The following PIK3C2B variants were observed in gnomAD, a reference collection of about 807,000 sequenced individuals.
The protein encoded by PIK3C2B is phosphatidylinositol 4-phosphate 3-kinase C2 domain-containing subunit beta.
A neutral mutation model predicts 184.3 loss-of-function variants in PIK3C2B; 83 were observed. The observed-to-expected ratio is 0.45, with a 90% CI of 0.38 to 0.54. PIK3C2B has a LOEUF of 0.54. PIK3C2B is among the 20% of genes least tolerant of loss of function. PIK3C2B has a pLI of 0.00. For missense variants in PIK3C2B, 1,736 were observed against 2,113.5 expected (o/e 0.82, Z 3.50); for synonymous variants, 779 against 837.6 (o/e 0.93, Z 1.21).
intron 12 of PIK3C2B, among the ~76,000 whole-genome samples, chr1:204,453,633 A>C (rs1261536246): frequency 3.3e-5 from 5 of 152,174 alleles, no homozygotes; most frequent in Admixed American, 6.5e-5. Flanking sequence ...TCTATATATA[A>C]AGGGAAAAGC....
chr1:204,472,638 G>A (rs1656387278), intron 1 of PIK3C2B, among the ~76,000 whole-genome samples: 2 of 152,082 alleles, frequency 1.3e-5, no homozygotes, highest in South Asian at 2.1e-4. Context: ...AAATTAGCCA[G>A]GCGTGGTGGC....
At chr1:204,480,895 T>TCCC (rs1657082046) in intron 1 of PIK3C2B, among the ~76,000 whole-genome samples, 1 of 152,060 alleles carries the variant, frequency 6.6e-6, no homozygotes, top group African/African-American at 2.4e-5. Context: ...CATCGTGGTG[T>TCCC]TCCTCAACCA....
rs1240561481 is a variant in PIK3C2B at position 204,457,826 on chromosome 1, T to C, written c.1615A>G (p.Ile539Val). 2 of 1,613,396 alleles carry C rather than the reference T, an allele frequency of 1.2e-6. No individual in the cohort carries two copies. The highest frequency in any genetic ancestry group is 1.7e-5 in the Admixed American group (1 of 59,914). Residue 539 changes from isoleucine to valine, a missense_variant, in exon 9 of 33, where the codon ATC (isoleucine) becomes GTC (valine). This residue lies in a region of PIK3C2B where 609 missense variants were observed against 699.2 expected (regional missense o/e 0.87). Coordinates refer to ENST00000684373, the MANE Select transcript of PIK3C2B (RefSeq NM_001377334.1). ...TCCACGGCGGCCAGGGCGTTGCAGATGGCCTTGACGGACTGGACCACCCTG... is the reference window on the plus strand; with the variant it reads ...TCCACGGCGGCCAGGGCGTTGCAGACGGCCTTGACGGACTGGACCACCCTG... ...ADRVVQSVKA[I>V]CNALAAVETP...
At chr1:204,455,546 C>G (rs999263337) in intron 11 of PIK3C2B, among the ~76,000 whole-genome samples, 3 of 152,098 alleles carry the variant, frequency 2.0e-5, no homozygotes, top group Non-Finnish European at 4.4e-5. Flanking sequence ...GGGAATCGGC[C>G]ATCTGTTGCC....
In PIK3C2B at chr1:204,469,189, T is replaced by A; in HGVS notation, c.614A>T (p.His205Leu). The A allele has an allele frequency of 6.2e-7, 1 of 1,613,580 alleles. No individual in the cohort carries two copies. The highest frequency in any genetic ancestry group is 8.5e-7 in the Non-Finnish European group (1 of 1,179,686). The change falls in exon 2 of 33, where the codon CAT (histidine) becomes CTT (leucine). Residue 205 changes from histidine to leucine, a missense_variant. Transcript: ENST00000684373. Reference protein sequence around the residue: ...VEQLPGKLLEHRILEEEEVLG... With the variant: ...VEQLPGKLLELRILEEEEVLG... ...CACCTCTTCCTCTTCTAGGATCCGA[T>A]GCTCTAGCAGTTTGCCCGGCAATTG...
At position 204,477,906 on chromosome 1, in the gene PIK3C2B, T is replaced by C. The variant is rs145009388; in HGVS notation, c.-84-8020A>G. 5.1e-3 allele frequency among the ~76,000 whole-genome samples: 782 copies of C among 152,292 alleles called. 6 individuals carry two copies. The highest frequency in any genetic ancestry group is 0.018 in the African/African-American group (742 of 41,554). ...CAATCTAGCAAAGGTGGCAGACACA[T>C]ACATAAAGAATTCAATCCCCTCTTG... On this transcript the variant is annotated intron_variant, in intron 1 of 32. Coordinates refer to ENST00000684373, the MANE Select transcript of PIK3C2B (RefSeq NM_001377334.1).
At chr1:204,492,286 A>C (rs923572792) in intron 1 of PIK3C2B, among the ~76,000 whole-genome samples, 10 of 152,232 alleles carry the variant, frequency 6.6e-5, no homozygotes, top group African/African-American at 2.4e-4. Context: ...TTTTACAAAT[A>C]TACAAACTAA....
intron 31 of PIK3C2B, 56 bp downstream of exon 31, chr1:204,427,592 A>G: frequency 2.5e-6 from 3 of 1,212,864 alleles, no homozygotes; most frequent in East Asian, 4.6e-5. Context: ...CTGCCCAAAA[A>G]AGTAGCTAAA....
intron 12 of PIK3C2B, among the ~76,000 whole-genome samples, chr1:204,453,960 A>G (rs1279399547): frequency 1.3e-5 from 2 of 151,658 alleles, no homozygotes; most frequent in African/African-American, 2.4e-5. Context: ...TTTTTAGTAG[A>G]GACGAGGTTT....
intron 1 of PIK3C2B, among the ~76,000 whole-genome samples, chr1:204,482,109 C>CGG (rs55875447): frequency 7.5e-6 from 1 of 132,588 alleles, no homozygotes; most frequent in African/African-American, 3.7e-5. Flanking sequence ...CATGAAAAGA[C>CGG]GGGGGGGGGG....
At position 204,456,938 on chromosome 1, in the gene PIK3C2B, G is replaced by A. The variant is rs553673922; in HGVS notation, c.1747+99C>T. ...CACACACACACACCAGCCGAACTCC[G>A]ACACATAAATCAAGGGGCCCAGGCA... On this transcript the variant is annotated intron_variant, in intron 10 of 32. Coordinates refer to ENST00000684373, the MANE Select transcript of PIK3C2B (RefSeq NM_001377334.1). The A allele has an allele frequency of 7.4e-4, 667 of 900,830 alleles. 2 individuals are homozygous for A. Among genetic ancestry groups the A allele is most frequent in the African/African-American group, 6.4e-3 (369 of 57,322 alleles). The allele number at this position is 900,830 out of a possible 1,614,324, so 55.8% of individuals were successfully genotyped here. A position where few individuals can be genotyped will look rare whatever the true frequency, so the allele number is the denominator to read the frequency against.
At position 204,484,390 on chromosome 1, in the gene PIK3C2B, A is replaced by G. The variant is rs11578051; in HGVS notation, c.-85+9966T>C. Among the ~76,000 whole-genome samples the G allele has an allele frequency of 6.4e-3, 973 of 152,286 alleles. 10 individuals are homozygous for G. The highest frequency in any genetic ancestry group is 0.053 in the South Asian group (255 of 4,826). On this transcript the variant is annotated intron_variant, in intron 1 of 32. Transcript: ENST00000684373. Reference sequence around the variant, plus strand: ...TGAAATGTGTGTGAGCCCAAACTTCATGGTCTTTTTCCCATCCTGTTGTGG... The same window carrying G: ...TGAAATGTGTGTGAGCCCAAACTTCGTGGTCTTTTTCCCATCCTGTTGTGG...
chr1:204,489,896 T>A (rs1180274763), intron 1 of PIK3C2B: 1 of 396,244 alleles, frequency 2.5e-6, no homozygotes, highest in Non-Finnish European at 4.4e-6. Context: ...TCTTCCCTCA[T>A]CCTTATAACT....
In PIK3C2B at chr1:204,480,431, T is replaced by C. The variant is rs570537395; in HGVS notation, c.-84-10545A>G. On this transcript the variant is annotated intron_variant, in intron 1 of 32. Coordinates refer to ENST00000684373, the MANE Select transcript of PIK3C2B (RefSeq NM_001377334.1). ...GAGCTGTTCCAGAGTTGGGAAAAGA[T>C]TGTAGACCCGATGAAGGGAGGCTGG... Among the ~76,000 whole-genome samples the C allele has an allele frequency of 5.9e-5, 9 of 152,208 alleles. No individual in the cohort carries two copies. In the East Asian group the frequency reaches 7.7e-4, roughly 13 times the overall value.
rs372938818 is a variant in PIK3C2B, at chr1:204,464,775, C to T, written c.1035-171G>A. 1.5e-4 allele frequency among the ~76,000 whole-genome samples: 23 copies of T among 152,292 alleles called. No individual in the cohort carries two copies. The East Asian group carries it at 1.9e-3, about 13-fold the overall frequency. ...GCAGTGGGGTAGCAGCTCTGAGAAA[C>T]CCCCTTCTTGACACTTCTCTTATAA... On this transcript the variant is annotated intron_variant, in intron 3 of 32. Transcript: ENST00000684373.
intron 23 of PIK3C2B, among the ~76,000 whole-genome samples, chr1:204,437,701 A>G (rs537057930): frequency 1.3e-4 from 20 of 152,338 alleles, no homozygotes; most frequent in Non-Finnish European, 1.9e-4. Context: ...GATAGAGGGA[A>G]GCATCAGGAA....
In PIK3C2B at chr1:204,457,818, G is replaced by A. The variant is rs61762598; in HGVS notation, c.1623C>T (p.Asn541=). 3.7e-4 allele frequency: 595 copies of A among 1,612,966 alleles called. 4 individuals are homozygous for A. The African/African-American group carries it at 6.9e-3, about 19-fold the overall frequency. The change falls in exon 9 of 33, where the codon AAC becomes AAT. Residue 541 remains asparagine, a synonymous_variant. Coordinates refer to ENST00000684373, the MANE Select transcript of PIK3C2B (RefSeq NM_001377334.1). ...CAGGGGTTTCCACGGCGGCCAGGGC[G>A]TTGCAGATGGCCTTGACGGACTGGA... The part of the protein sequence containing the change: ...RVVQSVKAIC[N]ALAAVETPEI...
chr1:204,428,484 TAGTG>T (rs536405723), intron 29 of PIK3C2B, among the ~76,000 whole-genome samples: 177 of 152,282 alleles, frequency 1.2e-3, no homozygotes, highest in African/African-American at 4.0e-3. Context: ...TAGAGATGCA[TAGTG>T]AGTATTTAGG....
intron 26 of PIK3C2B, among the ~76,000 whole-genome samples, chr1:204,432,681 G>T (rs1292162472): frequency 6.6e-6 from 1 of 152,186 alleles, no homozygotes; most frequent in Non-Finnish European, 1.5e-5. Flanking sequence ...CACTCTCTCT[G>T]TGTAAATGTC....
Sources: gnomAD v4.1 joint callset for allele counts (sites outside exome capture counted in the v4.1 genomes callset) on GRCh38, gnomAD v4.1.1 for gene constraint, gnomAD v4.1.1 regional missense constraint, MANE v1.5 for transcripts, NCBI Gene and HGNC (gene_info 2026-07-23, HGNC 2026-07-21) for gene names.